ZNF276: variants seen among roughly 807,000 people sequenced by gnomAD.
The protein encoded by ZNF276 is centromere protein Z.
Under a neutral mutation model 63.9 loss-of-function variants are expected in ZNF276, and 59 were observed. The ratio of observed to expected loss-of-function variants is 0.92; its 90% CI spans 0.75 to 1.15. The LOEUF (loss-of-function observed/expected upper bound fraction) is 1.15. Ranked by LOEUF, ZNF276 falls within the 50% of genes most tolerant of loss-of-function variation. ZNF276 has a pLI of 0.00. For synonymous variants in ZNF276, 496 were observed against 348.4 expected (o/e 1.42, Z -4.72); for missense variants, 1,084 against 843.8 (o/e 1.28, Z -3.53).
intron 5 of ZNF276, among the ~76,000 whole-genome samples, chr16:89,728,480 T>C (rs765074435): frequency 9.2e-5 from 14 of 152,206 alleles, no homozygotes; most frequent in Non-Finnish European, 2.1e-4. Context: ...CTCGGCTCAC[T>C]GCAAGCTCTG....
In ZNF276 at chr16:89,739,064, A is replaced by C. The variant is rs553145380; in HGVS notation, c.*818A>C. On this transcript the variant is annotated 3_prime_UTR_variant, in exon 11 of 11. Coordinates refer to ENST00000443381, the MANE Select transcript of ZNF276 (RefSeq NM_001113525.2). ...CATAGTCTGCATGCTGTGCCGGAACATTCTTTGGCAGAAGGAGCCTCCGGC... is the reference window on the plus strand; with the variant it reads ...CATAGTCTGCATGCTGTGCCGGAACCTTCTTTGGCAGAAGGAGCCTCCGGC... 2.2e-3 allele frequency: 3,521 copies of C among 1,613,874 alleles called. 8 individuals carry two copies. Among genetic ancestry groups the C allele is most frequent in the Non-Finnish European group, 2.9e-3 (3,412 of 1,179,904 alleles).
chr16:89,727,948 C>G (rs1489165022), intron 5 of ZNF276, among the ~76,000 whole-genome samples: 1 of 152,234 alleles, frequency 6.6e-6, no homozygotes, highest in Non-Finnish European at 1.5e-5. Flanking sequence ...ACCCCTGCCT[C>G]TGAGCCAAGC....
At chr16:89,727,389 A>G in intron 5 of ZNF276, 32 bp downstream of exon 5, 1 of 1,603,780 alleles carries the variant, frequency 6.2e-7, no homozygotes, top group Non-Finnish European at 8.5e-7. Context: ...ACAGCCTAAA[A>G]TTTCTCCTTC....
chr16:89,736,406 C>T (rs2061892830), intron 9 of ZNF276, among the ~76,000 whole-genome samples: 1 of 150,220 alleles, frequency 6.7e-6, no homozygotes, highest in Admixed American at 6.6e-5. Context: ...CTCACTGCAA[C>T]CTCCACCTCC....
Position 89,739,410 on chromosome 16 carries a change from CCAGAGGTGCTGAGATGGGGGTCT to C in ZNF276, c.*1165_*1187del. 1 of 1,561,514 alleles carries C rather than the reference CCAGAGGTGCTGAGATGGGGGTCT, an allele frequency of 6.4e-7. No homozygotes were observed. Among genetic ancestry groups the C allele is most frequent in the Non-Finnish European group, 8.7e-7 (1 of 1,150,546 alleles). ...GACAACCCTTCCCATCTGGCGGGACCCAGAGGTGCTGAGATGGGGGTCTGGGAAACACTGCCCAGCCCTGACCA... is the reference window on the plus strand; with the variant it reads ...GACAACCCTTCCCATCTGGCGGGACCGGGAAACACTGCCCAGCCCTGACCA... On this transcript the variant is annotated 3_prime_UTR_variant, in exon 11 of 11. Transcript: ENST00000443381.
rs2061991789 is a variant in ZNF276 at position 89,737,788 on chromosome 16, T to C, written c.1475-18T>C. 1 of 1,614,118 alleles carries C rather than the reference T, an allele frequency of 6.2e-7. No homozygotes were observed. The highest frequency in any genetic ancestry group is 8.5e-7 in the Non-Finnish European group (1 of 1,180,000). On this transcript the variant is annotated intron_variant, in intron 9 of 10. Transcript: ENST00000443381. ...TGGAGCATCAGGGGCCTGGACTCAC[T>C]GGACTCTCCCCTCTCAGAGGTGCGG...
At position 89,740,244 on chromosome 16, in the gene ZNF276, T is replaced by C. The variant is rs2062095037; in HGVS notation, c.*1998T>C. 1 of 755,868 alleles carries C rather than the reference T, an allele frequency of 1.3e-6. No individual in the cohort carries two copies. Among genetic ancestry groups the C allele is most frequent in the Non-Finnish European group, 2.4e-6 (1 of 423,526 alleles). 46.8% of individuals were successfully genotyped at this position (755,868 alleles called of 1,614,324 possible). On this transcript the variant is annotated 3_prime_UTR_variant, in exon 11 of 11. Coordinates refer to ENST00000443381, the MANE Select transcript of ZNF276 (RefSeq NM_001113525.2). ...TGGTGACAGTTTTACCTATAGAAGGTAATACTGGGCCTCTGGACAGAAGAG... is the reference window on the plus strand; with the variant it reads ...TGGTGACAGTTTTACCTATAGAAGGCAATACTGGGCCTCTGGACAGAAGAG...
At chr16:89,734,784 C>A (rs1036300197) in intron 9 of ZNF276, among the ~76,000 whole-genome samples, 9 of 152,206 alleles carry the variant, frequency 5.9e-5, no homozygotes, top group Admixed American at 3.9e-4. Flanking sequence ...ACTGAGGGTG[C>A]TGTCTCTGTG....
chr16:89,721,531 T>TC, upstream of ZNF276: 1 of 928,000 alleles, frequency 1.1e-6, no homozygotes, highest in East Asian at 4.3e-5. Context: ...GCTCCGCCCC[T>TC]CCCCCGCCCC....
At chr16:89,728,594 G>T (rs951283741) in intron 5 of ZNF276, among the ~76,000 whole-genome samples, 1 of 152,108 alleles carries the variant, frequency 6.6e-6, no homozygotes, top group East Asian at 1.9e-4. Flanking sequence ...AGCAGAGACG[G>T]GGTTTCACTT....
In ZNF276 at chr16:89,738,935, G is replaced by C; in HGVS notation, c.*689G>C. 1 of 1,614,250 alleles carries C rather than the reference G, an allele frequency of 6.2e-7. No individual in the cohort carries two copies. Among genetic ancestry groups the C allele is most frequent in the Non-Finnish European group, 8.5e-7 (1 of 1,180,048 alleles). On this transcript the variant is annotated 3_prime_UTR_variant, in exon 11 of 11. Coordinates refer to ENST00000443381, the MANE Select transcript of ZNF276 (RefSeq NM_001113525.2). Reference sequence around the variant, plus strand: ...GGGCACCGAGGTATTAACTGCAGCAGAAAAAGACGAGCTTTTGTTATCAGT... The same window carrying C: ...GGGCACCGAGGTATTAACTGCAGCACAAAAAGACGAGCTTTTGTTATCAGT...
chr16:89,738,816 C>A lies in ZNF276; in HGVS notation c.*570C>A. ...AGTTGTATTGCCAGCCAGGCAGGCACATGGCCCAGGCAGCTGTCAATTCTC... is the reference window on the plus strand; with the variant it reads ...AGTTGTATTGCCAGCCAGGCAGGCAAATGGCCCAGGCAGCTGTCAATTCTC... On this transcript the variant is annotated 3_prime_UTR_variant, in exon 11 of 11. Transcript: ENST00000443381. 2 of 1,614,018 alleles carry A rather than the reference C, an allele frequency of 1.2e-6. No homozygotes were observed. The highest frequency in any genetic ancestry group is 1.1e-5 in the South Asian group (1 of 91,064).
At chr16:89,736,795 CAAA>C (rs3039799) in intron 9 of ZNF276, among the ~76,000 whole-genome samples, 9 of 72,484 alleles carry the variant, frequency 1.2e-4, no homozygotes, top group East Asian at 7.6e-4. Context: ...ACCCTGTCTC[CAAA>C]AAAAAAAAAA....
chr16:89,726,442 C>A (rs1164407271), intron 4 of ZNF276, among the ~76,000 whole-genome samples: 2 of 152,052 alleles, frequency 1.3e-5, no homozygotes, highest in African/African-American at 4.8e-5. Context: ...GGTGATCCGC[C>A]CACCCCGGCC....
Position 89,721,762 on chromosome 16 carries a change from G to T in ZNF276, c.122G>T (p.Arg41Met). 3 of 1,279,230 alleles carry T rather than the reference G, an allele frequency of 2.3e-6. No individual in the cohort carries two copies. Among genetic ancestry groups the T allele is most frequent in the Non-Finnish European group, 2.0e-6 (2 of 1,014,342 alleles). The allele number at this position is 1,279,230 out of a possible 1,614,324, so 79.2% of individuals were successfully genotyped here. Residue 41 changes from arginine (R) to methionine (M), a missense_variant, in exon 1 of 11, where the codon AGG (arginine) becomes ATG (methionine). Transcript: ENST00000443381. ...RGRPSLSGGP[R>M]VDGATARRAW... ...CGCCCTTCCCTTAGCGGTGGGCCGA[G>T]GGTGGACGGGGCGACGGCGCGGCGC...
In ZNF276 at chr16:89,738,899, A is replaced by G; in HGVS notation, c.*653A>G. ...GACGTTACCTCTGCCACGTGTGAGA[A>G]GCTCTTTTTCGGGCACCGAGGTATT... On this transcript the variant is annotated 3_prime_UTR_variant, in exon 11 of 11. Coordinates refer to ENST00000443381, the MANE Select transcript of ZNF276 (RefSeq NM_001113525.2). The G allele has an allele frequency of 6.2e-7, 1 of 1,614,272 alleles. No homozygotes were observed. The highest frequency in any genetic ancestry group is 8.5e-7 in the Non-Finnish European group (1 of 1,180,052).
At chr16:89,733,228 CA>C in intron 6 of ZNF276, 73 bp from the exon 7 acceptor site, 1 of 1,352,212 alleles carries the variant, frequency 7.4e-7, no homozygotes, top group Non-Finnish European at 1.0e-6. Flanking sequence ...GACCATTTCT[CA>C]GGTTGGAGAG....
intron 6 of ZNF276, chr16:89,732,770 G>A: frequency 4.8e-6 from 1 of 209,446 alleles, no homozygotes. Context: ...CCTCTGCTGT[G>A]TTCACCCTGA....
At chr16:89,722,089 G>A (rs1863461694) in intron 1 of ZNF276, among the ~76,000 whole-genome samples, 1 of 152,134 alleles carries the variant, frequency 6.6e-6, no homozygotes, top group South Asian at 2.1e-4. Flanking sequence ...CCGGCGTGAG[G>A]AGCGCTGTCA....
Sources: gnomAD v4.1 joint callset for allele counts (sites outside exome capture counted in the v4.1 genomes callset) on GRCh38, gnomAD v4.1.1 for gene constraint, MANE v1.5 for transcripts, NCBI Gene and HGNC (gene_info 2026-07-23, HGNC 2026-07-21) for gene names.